The following RMST variants were observed in gnomAD, a reference collection of about 807,000 sequenced individuals.
RMST encodes the protein long intergenic non-protein coding RNA 54.
chr12:97,511,416 A>G (rs1456828436), intron 10 of RMST, among the ~76,000 whole-genome samples: 3 of 152,150 alleles, frequency 2.0e-5, no homozygotes, highest in East Asian at 3.9e-4. Context: ...CCCAAAGTGC[A>G]TGAGCCACTG....
At chr12:97,523,957 T>C (rs1169146402) in intron 10 of RMST, among the ~76,000 whole-genome samples, 1 of 151,156 alleles carries the variant, frequency 6.6e-6, no homozygotes, top group East Asian at 2.0e-4. Flanking sequence ...GTGCCTGTAG[T>C]CCCAGCTACT....
intron 10 of RMST, among the ~76,000 whole-genome samples, chr12:97,496,728 G>A (rs1316813531): frequency 6.6e-6 from 1 of 152,124 alleles, no homozygotes; most frequent in Non-Finnish European, 1.5e-5. Flanking sequence ...AAAGAGTGAG[G>A]AAAAACATTA....
At chr12:97,519,854 T>C (rs1020723465) in intron 10 of RMST, among the ~76,000 whole-genome samples, 1 of 152,174 alleles carries the variant, frequency 6.6e-6, no homozygotes, top group African/African-American at 2.4e-5. Context: ...GAAATACACT[T>C]CATGCTACTA....
intron 10 of RMST, among the ~76,000 whole-genome samples, chr12:97,498,392 C>T (rs1211519984): frequency 1.3e-5 from 2 of 152,076 alleles, no homozygotes; most frequent in Non-Finnish European, 2.9e-5. Context: ...TTTCTAAACC[C>T]GCTTCTTCAC....
At chr12:97,519,293 A>G (rs1880268902) in intron 10 of RMST, among the ~76,000 whole-genome samples, 1 of 152,228 alleles carries the variant, frequency 6.6e-6, no homozygotes, top group Non-Finnish European at 1.5e-5. Context: ...TAATTAGACT[A>G]TGAAGGAGCA....
chr12:97,563,796 G>A (rs1424804734), intron 13 of RMST: 1 of 495,694 alleles, frequency 2.0e-6, no homozygotes, highest in Admixed American at 2.1e-5. Context: ...AAGAAAATAA[G>A]TTTTGCATCC....
At chr12:97,536,318 T>C (rs1434257320) in intron 11 of RMST, among the ~76,000 whole-genome samples, 3 of 151,452 alleles carry the variant, frequency 2.0e-5, no homozygotes, top group Non-Finnish European at 4.4e-5. Context: ...AAAAAAAAAC[T>C]TTTTTTCTCC....
chr12:97,475,900 A>G (rs575773057), intron 5 of RMST, among the ~76,000 whole-genome samples: 1 of 152,306 alleles, frequency 6.6e-6, no homozygotes, highest in East Asian at 1.9e-4. Flanking sequence ...TTAATACTAC[A>G]GTGTTAAAGC....
chr12:97,516,771 T>C (rs752428610), intron 10 of RMST, among the ~76,000 whole-genome samples: 1 of 151,862 alleles, frequency 6.6e-6, no homozygotes. Context: ...ATATAGGCTA[T>C]AGAAAAAAAA....
chr12:97,551,217 A>G (rs1883287642), intron 11 of RMST, among the ~76,000 whole-genome samples: 1 of 151,902 alleles, frequency 6.6e-6, no homozygotes, highest in South Asian at 2.1e-4. Context: ...ATTTTCCACT[A>G]AACCTCCTTA....
At chr12:97,484,912 T>C (rs1875898664) in intron 5 of RMST, among the ~76,000 whole-genome samples, 1 of 152,186 alleles carries the variant, frequency 6.6e-6, no homozygotes, top group South Asian at 2.1e-4. Flanking sequence ...TCTGCAGTTA[T>C]TTCTTGCTGC....
intron 10 of RMST, among the ~76,000 whole-genome samples, chr12:97,507,003 G>A (rs1162472975): frequency 6.6e-6 from 1 of 152,056 alleles, no homozygotes; most frequent in Non-Finnish European, 1.5e-5. Flanking sequence ...TCTAAGCGGA[G>A]AAGATAACAC....
intron 11 of RMST, among the ~76,000 whole-genome samples, chr12:97,558,031 G>A (rs1488888766): frequency 2.0e-5 from 3 of 152,102 alleles, no homozygotes; most frequent in African/African-American, 7.2e-5. Context: ...CGTTGCAATC[G>A]TTGGTGTTTT....
chr12:97,547,051 G>A (rs1882988388), intron 11 of RMST, among the ~76,000 whole-genome samples: 1 of 151,676 alleles, frequency 6.6e-6, no homozygotes, highest in Non-Finnish European at 1.5e-5. Context: ...CACAGTGTTT[G>A]TCTTTCTGTG....
intron 10 of RMST, among the ~76,000 whole-genome samples, chr12:97,504,432 C>G (rs560179316): frequency 6.8e-6 from 1 of 147,472 alleles, no homozygotes; most frequent in African/African-American, 2.5e-5. Flanking sequence ...AAAGAATGCA[C>G]AGATGCACAA....
chr12:97,502,939 C>T (rs995846615), intron 10 of RMST, among the ~76,000 whole-genome samples: 4 of 152,156 alleles, frequency 2.6e-5, no homozygotes, highest in African/African-American at 9.7e-5. Flanking sequence ...GATTCATGAC[C>T]TATTTTCTTG....
chr12:97,484,101 T>G (rs1223274508), intron 5 of RMST, among the ~76,000 whole-genome samples: 1 of 152,206 alleles, frequency 6.6e-6, no homozygotes, highest in Admixed American at 6.5e-5. Flanking sequence ...TTTATTAATC[T>G]AGTTCTACTT....
chr12:97,561,445 T>C (rs1035522691), intron 13 of RMST, among the ~76,000 whole-genome samples: 1 of 152,038 alleles, frequency 6.6e-6, no homozygotes, highest in Admixed American at 6.6e-5. Flanking sequence ...AGGCTTTCAT[T>C]TGATTTTTGG....
At chr12:97,463,876 G>A (rs570518659) in intron 4 of RMST, among the ~76,000 whole-genome samples, 1 of 151,600 alleles carries the variant, frequency 6.6e-6, no homozygotes, top group Non-Finnish European at 1.5e-5. Context: ...AAATTAGTTG[G>A]TTTTTTTTAA....
Sources: allele counts gnomAD v4.1 joint callset (sites outside exome capture counted in the v4.1 genomes callset), GRCh38; gene constraint gnomAD v4.1.1; transcripts MANE v1.5; gene names NCBI Gene and HGNC (gene_info 2026-07-23, HGNC 2026-07-21).